The following NHEJ1 variants were observed in gnomAD, a reference collection of about 807,000 sequenced individuals.
NHEJ1 encodes the protein non-homologous end joining factor 1.
NHEJ1 carries 22 observed loss-of-function variants against 39.4 expected under a neutral mutation model. The ratio of observed to expected loss-of-function variants is 0.56; its 90% CI spans 0.40 to 0.80. NHEJ1 has a LOEUF of 0.80. Ranked by LOEUF, NHEJ1 falls within the 30% of genes least tolerant of loss-of-function variation. The pLI, the probability that NHEJ1 is intolerant of heterozygous loss-of-function variation, is 0.00. For synonymous variants in NHEJ1, 154 were observed against 135.6 expected, an observed-to-expected ratio of 1.14 and a Z score of -0.94; for missense variants, 329 against 357.1, an observed-to-expected ratio of 0.92 and a Z score of 0.63.
intron 4 of NHEJ1, 46 bp downstream of exon 4, chr2:219,147,611 T>C (rs1949753883): frequency 6.2e-7 from 1 of 1,613,644 alleles, no homozygotes; most frequent in East Asian, 2.2e-5. Context: ...ACCCTTTGAC[T>C]ATTTTTAACA....
intron 4 of NHEJ1, among the ~76,000 whole-genome samples, chr2:219,147,254 C>T (rs747763439): frequency 1.3e-5 from 2 of 152,110 alleles, no homozygotes; most frequent in Non-Finnish European, 2.9e-5. Context: ...CCAAGGCAGG[C>T]AGATCACTTG....
At chr2:219,089,201 A>C (rs1162261316) in intron 5 of NHEJ1, among the ~76,000 whole-genome samples, 2 of 152,246 alleles carry the variant, frequency 1.3e-5, no homozygotes, top group Non-Finnish European at 2.9e-5. Context: ...TGTTAAGCAT[A>C]GAGTTACTAT....
intron 5 of NHEJ1, among the ~76,000 whole-genome samples, chr2:219,101,506 G>A (rs905549356): frequency 6.6e-6 from 1 of 152,054 alleles, no homozygotes; most frequent in African/African-American, 2.4e-5. Context: ...AAACTCCTGG[G>A]CTCAAGCAAT....
At chr2:219,149,541 G>C (rs879940859) in intron 3 of NHEJ1, among the ~76,000 whole-genome samples, 2 of 152,098 alleles carry the variant, frequency 1.3e-5, no homozygotes, top group African/African-American at 2.4e-5. Context: ...GCTTGAATCC[G>C]GGAGGCAGAG....
chr2:219,083,242 G>A (rs1296408744), intron 5 of NHEJ1, among the ~76,000 whole-genome samples: 1 of 152,134 alleles, frequency 6.6e-6, no homozygotes, highest in Non-Finnish European at 1.5e-5. Flanking sequence ...TATACTCTGT[G>A]AAATGGTACT....
chr2:219,116,734 A>G (rs1294279202), intron 5 of NHEJ1, among the ~76,000 whole-genome samples: 3 of 152,222 alleles, frequency 2.0e-5, no homozygotes, highest in East Asian at 3.8e-4. Context: ...AACAAGCAGA[A>G]AGAAAATGGG....
At chr2:219,157,364 T>C (rs1050632892) in intron 3 of NHEJ1, 108 bp downstream of exon 3, 2 of 940,124 alleles carry the variant, frequency 2.1e-6, no homozygotes, top group Admixed American at 2.0e-5. Flanking sequence ...AGTTTTCTGA[T>C]TGGAGAAGAA....
intron 5 of NHEJ1, among the ~76,000 whole-genome samples, chr2:219,114,610 CAAG>C (rs1949394039): frequency 6.6e-6 from 1 of 152,112 alleles, no homozygotes; most frequent in South Asian, 2.1e-4. Flanking sequence ...TGCAGCCCAA[CAAG>C]AAGGACGAGA....
chr2:219,075,808 T>C lies in NHEJ1; in HGVS notation c.*573A>G, dbSNP rs1280393417. 1 of 153,764 alleles carries C rather than the reference T, an allele frequency of 6.5e-6. No individual in the cohort carries two copies. Among genetic ancestry groups the C allele is most frequent in the Non-Finnish European group, 1.4e-5 (1 of 69,118 alleles). The allele number at this position is 153,764 out of a possible 1,614,324, so 9.5% of individuals were successfully genotyped here. A position where few individuals can be genotyped will look rare whatever the true frequency, so the allele number is the denominator to read the frequency against. ...ATCAAGAGAGTTCTTGAGATCAAAG[T>C]TTCCAAATGGAGACTTAGCTCTGGC... On this transcript the variant is annotated 3_prime_UTR_variant, in exon 8 of 8. Transcript: ENST00000356853.
chr2:219,088,775 G>A (rs898670275), intron 5 of NHEJ1, among the ~76,000 whole-genome samples: 6 of 152,050 alleles, frequency 3.9e-5, no homozygotes, highest in African/African-American at 1.4e-4. Context: ...CTTCTGATAT[G>A]GGCACTTTCC....
chr2:219,110,913 C>T (rs1430270647), intron 5 of NHEJ1, among the ~76,000 whole-genome samples: 2 of 152,148 alleles, frequency 1.3e-5, no homozygotes, highest in African/African-American at 4.8e-5. Flanking sequence ...TCTGGGCTGA[C>T]TGCATGTTGG....
intron 5 of NHEJ1, among the ~76,000 whole-genome samples, chr2:219,133,310 G>C (rs1294244374): frequency 6.6e-6 from 1 of 152,234 alleles, no homozygotes; most frequent in Non-Finnish European, 1.5e-5. Flanking sequence ...AACAGACCAG[G>C]TAAAACTTAG....
rs2106315101 is a variant in NHEJ1, at chr2:219,070,387, T to G, written c.*5994A>C. Among the ~76,000 whole-genome samples the G allele has an allele frequency of 6.6e-6, 1 of 152,324 alleles. No homozygotes were observed. Among genetic ancestry groups the G allele is most frequent in the African/African-American group, 2.4e-5 (1 of 41,578 alleles). Reference sequence around the variant, plus strand: ...TTGTATTTTTAGTAGAGATGGGGTTTCACCATGTTGGCCAGGCTGGTCTCA... The same window carrying G: ...TTGTATTTTTAGTAGAGATGGGGTTGCACCATGTTGGCCAGGCTGGTCTCA... On this transcript the variant is annotated 3_prime_UTR_variant, in exon 8 of 8. Transcript: ENST00000356853.
chr2:219,156,068 T>C (rs1949852195), intron 3 of NHEJ1, among the ~76,000 whole-genome samples: 1 of 151,216 alleles, frequency 6.6e-6, no homozygotes, highest in African/African-American at 2.4e-5. Context: ...GCTAACACAG[T>C]GAAACCTGTC....
At chr2:219,117,362 A>C (rs1949425346) in intron 5 of NHEJ1, among the ~76,000 whole-genome samples, 1 of 152,158 alleles carries the variant, frequency 6.6e-6, no homozygotes, top group African/African-American at 2.4e-5. Flanking sequence ...TGATGTCTCT[A>C]AGCCAGGGAT....
At chr2:219,110,520 CAAAA>C (rs764285552) in intron 5 of NHEJ1, among the ~76,000 whole-genome samples, 2 of 69,650 alleles carry the variant, frequency 2.9e-5, no homozygotes, top group African/African-American at 5.7e-5. Context: ...GAGATGCTGC[CAAAA>C]AAAAAAAAAA....
chr2:219,133,483 A>G (rs1464070908), intron 5 of NHEJ1, among the ~76,000 whole-genome samples: 2 of 152,248 alleles, frequency 1.3e-5, no homozygotes, highest in Non-Finnish European at 2.9e-5. Flanking sequence ...AAACAAAATG[A>G]GCAAGACAGT....
chr2:219,133,626 GC>G (rs2106352478), intron 5 of NHEJ1, among the ~76,000 whole-genome samples: 1 of 152,318 alleles, frequency 6.6e-6, no homozygotes, highest in South Asian at 2.1e-4. Context: ...TATAGCTTGT[GC>G]TTTTACTACT....
At chr2:219,160,032 G>C (rs1225012970) in intron 1 of NHEJ1, among the ~76,000 whole-genome samples, 1 of 151,994 alleles carries the variant, frequency 6.6e-6, no homozygotes, top group African/African-American at 2.4e-5. Context: ...CACCACACGC[G>C]TCCCGTTCTG....
Sources: allele counts gnomAD v4.1 joint callset (sites outside exome capture counted in the v4.1 genomes callset), GRCh38; gene constraint gnomAD v4.1.1; transcripts MANE v1.5; gene names NCBI Gene and HGNC (gene_info 2026-07-23, HGNC 2026-07-21).